RASSF5: variants seen among roughly 807,000 people sequenced by gnomAD.
The protein encoded by RASSF5 is ras association domain-containing protein 5.
Under a neutral mutation model 40.5 loss-of-function variants are expected in RASSF5, and 25 were observed. The ratio of observed to expected loss-of-function variants is 0.62; its 90% CI spans 0.45 to 0.86. The LOEUF is 0.86. Ranked by LOEUF, RASSF5 falls within the 40% of genes least tolerant of loss-of-function variation. The pLI is 0.00. For synonymous variants in RASSF5, 246 were observed against 252.4 expected, an observed-to-expected ratio of 0.97 and a Z score of 0.24; for missense variants, 521 against 572.8, an observed-to-expected ratio of 0.91 and a Z score of 0.92.
chr1:206,559,673 C>T (rs1333746702), intron 2 of RASSF5, among the ~76,000 whole-genome samples: 1 of 152,228 alleles, frequency 6.6e-6, no homozygotes, highest in East Asian at 1.9e-4. Flanking sequence ...ACAGGAATCC[C>T]TTCTAAGAAA....
At chr1:206,576,560 T>C (rs565340062) in intron 2 of RASSF5, among the ~76,000 whole-genome samples, 1 of 152,326 alleles carries the variant, frequency 6.6e-6, no homozygotes, top group South Asian at 2.1e-4. Context: ...ATAGGAAGTA[T>C]GATTCAGGAG....
chr1:206,570,414 G>A (rs1404403025), intron 2 of RASSF5, among the ~76,000 whole-genome samples: 1 of 152,046 alleles, frequency 6.6e-6, no homozygotes, highest in African/African-American at 2.4e-5. Flanking sequence ...ATTCTTAAGT[G>A]CATAGTGCAG....
chr1:206,510,296 G>A (rs1666582977), intron 1 of RASSF5, among the ~76,000 whole-genome samples: 1 of 152,106 alleles, frequency 6.6e-6, no homozygotes, highest in African/African-American at 2.4e-5. Flanking sequence ...AGTACAGACT[G>A]GAACCAGAGC....
At chr1:206,510,082 A>G (rs1018685990) in intron 1 of RASSF5, among the ~76,000 whole-genome samples, 1 of 152,208 alleles carries the variant, frequency 6.6e-6, no homozygotes, top group Non-Finnish European at 1.5e-5. Flanking sequence ...TTGTGAACCT[A>G]TGGCTGGATG....
At position 206,550,965 on chromosome 1, in the gene RASSF5, C is replaced by T. The variant is rs185539406; in HGVS notation, c.579+12672C>T. On this transcript the variant is annotated intron_variant, in intron 2 of 5. Transcript: ENST00000579436. ...TTCTGCCATCTTGGAGCAAGTTTAG[C>T]GCTCCCAGCTCTAAAATCTGGCTTT... is the stretch of plus-strand genomic sequence containing the variant. Among the ~76,000 whole-genome samples the T allele has an allele frequency of 1.7e-3, 253 of 152,294 alleles. 4 individuals are homozygous for T. Among genetic ancestry groups the T allele is most frequent in the Admixed American group, 0.013 (193 of 15,282 alleles).
At chr1:206,521,701 A>G (rs1387821776) in intron 1 of RASSF5, among the ~76,000 whole-genome samples, 1 of 152,184 alleles carries the variant, frequency 6.6e-6, no homozygotes, top group Non-Finnish European at 1.5e-5. Context: ...CAGAAACACA[A>G]GCAAACAAAA....
intron 2 of RASSF5, among the ~76,000 whole-genome samples, chr1:206,577,927 A>G (rs574301834): frequency 6.6e-6 from 1 of 152,252 alleles, no homozygotes; most frequent in African/African-American, 2.4e-5. Flanking sequence ...GTCTACTTGG[A>G]GGTTAATGTA....
intron 2 of RASSF5, among the ~76,000 whole-genome samples, chr1:206,578,136 G>C (rs782310505): frequency 2.0e-5 from 3 of 150,998 alleles, no homozygotes; most frequent in Non-Finnish European, 4.4e-5. Flanking sequence ...TGAGGCAGGA[G>C]GATTGCTTGA....
At chr1:206,546,546 C>G (rs372348578) in intron 2 of RASSF5, among the ~76,000 whole-genome samples, 2 of 152,202 alleles carry the variant, frequency 1.3e-5, no homozygotes, top group African/African-American at 4.8e-5. Flanking sequence ...AGCTTTAACC[C>G]TTTGTTTTGT....
rs782445633 is a variant in RASSF5, at chr1:206,507,555, C to T, written c.-48C>T. The T allele has an allele frequency of 2.9e-6, 4 of 1,392,052 alleles. No individual in the cohort carries two copies. Among genetic ancestry groups the T allele is most frequent in the African/African-American group, 1.5e-5 (1 of 66,060 alleles). 86.2% of individuals were successfully genotyped at this position (1,392,052 alleles called of 1,614,324 possible). ...TCTCTCGGGGCTGGCTCGGGAGTAG[C>T]GCAGTCGCCAAAGCCGCCGCTGCCA... On this transcript the variant is annotated 5_prime_UTR_variant, in exon 1 of 6. Transcript: ENST00000579436.
chr1:206,568,896 C>A (rs569291279), intron 2 of RASSF5, among the ~76,000 whole-genome samples: 1 of 152,188 alleles, frequency 6.6e-6, no homozygotes, highest in South Asian at 2.1e-4. Flanking sequence ...AACGGTGAGC[C>A]AATACGTAGC....
intron 1 of RASSF5, chr1:206,518,620 G>A (rs1180010681): frequency 2.0e-5 from 8 of 394,194 alleles, no homozygotes; most frequent in Non-Finnish European, 3.1e-5. Context: ...TAGAAAAGGA[G>A]TACAGGATCT....
chr1:206,515,162 G>C (rs781827140), intron 1 of RASSF5, among the ~76,000 whole-genome samples: 2 of 152,180 alleles, frequency 1.3e-5, no homozygotes, highest in Non-Finnish European at 2.9e-5. Flanking sequence ...TTCTGCTGGT[G>C]AATGCTGAAA....
At chr1:206,511,650 C>A (rs1374725465) in intron 1 of RASSF5, among the ~76,000 whole-genome samples, 1 of 152,194 alleles carries the variant, frequency 6.6e-6, no homozygotes, top group African/African-American at 2.4e-5. Context: ...GGCCAACTAA[C>A]CTCCCCACTC....
intron 1 of RASSF5, among the ~76,000 whole-genome samples, chr1:206,527,804 C>T (rs1667134270): frequency 6.6e-6 from 1 of 152,124 alleles, no homozygotes; most frequent in Non-Finnish European, 1.5e-5. Flanking sequence ...GAAGCCCATC[C>T]CTGGCCTCAA....
At position 206,570,498 on chromosome 1, in the gene RASSF5, A is replaced by G. The variant is rs113013837; in HGVS notation, c.580-12771A>G. On this transcript the variant is annotated intron_variant, in intron 2 of 5. Transcript: ENST00000579436. ...ATTTCCAGAACTTTTGTTTTCCCCA[A>G]CTGAAACTCCTTACCAATTAAACAG... Among the ~76,000 whole-genome samples, 899 of 151,984 alleles carry G rather than the reference A, an allele frequency of 5.9e-3. 3 individuals carry two copies. Among genetic ancestry groups the G allele is most frequent in the Non-Finnish European group, 8.5e-3 (580 of 67,938 alleles).
intron 2 of RASSF5, chr1:206,543,630 A>C (rs782563401): frequency 6.6e-6 from 1 of 152,174 alleles, no homozygotes; most frequent in Admixed American, 6.5e-5. Flanking sequence ...TCAGCTAACT[A>C]CTGAAAGAGA....
chr1:206,523,758 C>CATAATATATTTTATATATTATAT (rs1180273909), intron 1 of RASSF5, among the ~76,000 whole-genome samples: 26 of 90,458 alleles, frequency 2.9e-4, no homozygotes, highest in Admixed American at 1.4e-3. Flanking sequence ...ATATAATATA[C>CATAATATATTTTATATATTATAT]ATAATATATT....
At chr1:206,557,176 C>G in intron 2 of RASSF5, 2 of 1,021,008 alleles carry the variant, frequency 2.0e-6, no homozygotes, top group Non-Finnish European at 2.3e-6. Flanking sequence ...AACTGCTTTA[C>G]GCGAGGGGCA....
Sources: allele counts gnomAD v4.1 joint callset (sites outside exome capture counted in the v4.1 genomes callset), GRCh38; gene constraint gnomAD v4.1.1; transcripts MANE v1.5; gene names NCBI Gene and HGNC (gene_info 2026-07-23, HGNC 2026-07-21).